LEKR1: variants seen among roughly 807,000 people sequenced by gnomAD.
The protein encoded by LEKR1 is leucine, glutamate and lysine rich 1.
Under a neutral mutation model 72.4 loss-of-function variants are expected in LEKR1, and 59 were observed. The ratio of observed to expected loss-of-function variants is 0.82; its 90% CI spans 0.66 to 1.01. The LOEUF is 1.01. Among genes scored for constraint, LEKR1 ranks in the 50% least tolerant of loss-of-function variants. LEKR1 has a pLI of 0.00. For synonymous variants in LEKR1, 257 were observed against 263.2 expected (o/e 0.98, Z 0.23); for missense variants, 728 against 759.2 (o/e 0.96, Z 0.48).
intron 6 of LEKR1, among the ~76,000 whole-genome samples, chr3:156,959,445 A>T (rs946943614): frequency 3.3e-5 from 5 of 152,136 alleles, no homozygotes; most frequent in African/African-American, 1.2e-4. Flanking sequence ...GCAGTTGTAG[A>T]ACTAACTTTA....
chr3:157,007,034 C>T (rs2108019627), intron 9 of LEKR1, among the ~76,000 whole-genome samples: 1 of 150,966 alleles, frequency 6.6e-6, no homozygotes, highest in South Asian at 2.1e-4. Flanking sequence ...CCCGTCTCTA[C>T]TAAAAAAATA....
At chr3:156,938,385 C>T (rs111301750) in intron 5 of LEKR1, among the ~76,000 whole-genome samples, 4,835 of 152,010 alleles carry the variant, frequency 0.032, 117 homozygotes, top group Non-Finnish European at 0.047. Flanking sequence ...TGTTTGTTTG[C>T]TTTTTGTTTT....
At chr3:156,888,193 AG>A (rs1179333241) in intron 3 of LEKR1, 2 of 654,712 alleles carry the variant, frequency 3.1e-6, no homozygotes, top group Non-Finnish European at 2.8e-6. Flanking sequence ...GGATTGGGTT[AG>A]GGAACAGACA....
At chr3:156,885,054 T>C (rs1487238557) in intron 3 of LEKR1, among the ~76,000 whole-genome samples, 1 of 152,198 alleles carries the variant, frequency 6.6e-6, no homozygotes, top group Non-Finnish European at 1.5e-5. Context: ...TTCTTTCTTC[T>C]ACTTGTTCTA....
chr3:156,882,487 A>G (rs1719506740), intron 3 of LEKR1, among the ~76,000 whole-genome samples: 1 of 152,192 alleles, frequency 6.6e-6, no homozygotes, highest in African/African-American at 2.4e-5. Context: ...GCAATCATTA[A>G]AAAGTCAGGA....
intron 10 of LEKR1, among the ~76,000 whole-genome samples, chr3:157,015,630 C>A (rs1435549862): frequency 6.6e-6 from 1 of 152,164 alleles, no homozygotes; most frequent in African/African-American, 2.4e-5. Flanking sequence ...ACAAAAATAT[C>A]TAGCACCGAA....
At chr3:157,025,699 G>T (rs1370321029) in intron 11 of LEKR1, among the ~76,000 whole-genome samples, 1 of 152,130 alleles carries the variant, frequency 6.6e-6, no homozygotes, top group Non-Finnish European at 1.5e-5. Context: ...TTCATGCTTT[G>T]GATTTATTGC....
chr3:156,923,937 C>G (rs1002275681), intron 4 of LEKR1, among the ~76,000 whole-genome samples: 4 of 152,144 alleles, frequency 2.6e-5, no homozygotes, highest in Non-Finnish European at 2.9e-5. Flanking sequence ...CCGTGTTAGC[C>G]AGGATGGTCT....
intron 3 of LEKR1, among the ~76,000 whole-genome samples, chr3:156,869,939 C>T (rs1223007676): frequency 2.0e-5 from 3 of 152,028 alleles, no homozygotes; most frequent in African/African-American, 4.8e-5. Context: ...CCAATTTTCC[C>T]GGTACCATTT....
At chr3:156,890,000 A>G (rs1019688638) in intron 3 of LEKR1, among the ~76,000 whole-genome samples, 2 of 152,186 alleles carry the variant, frequency 1.3e-5, no homozygotes, top group Admixed American at 6.5e-5. Context: ...GCTTGCTTGC[A>G]TCTCTGCCTC....
chr3:156,887,946 C>A (rs1400719490), intron 3 of LEKR1, among the ~76,000 whole-genome samples: 4 of 152,128 alleles, frequency 2.6e-5, no homozygotes, highest in Non-Finnish European at 4.4e-5. Context: ...ACTATTTTGA[C>A]AAACTCAAGA....
At chr3:156,896,565 GA>G (rs1214645436) in intron 3 of LEKR1, among the ~76,000 whole-genome samples, 1 of 152,174 alleles carries the variant, frequency 6.6e-6, no homozygotes, top group Non-Finnish European at 1.5e-5. Flanking sequence ...AGAGGCTGAT[GA>G]GGTTGCAAAG....
rs915206626 is a variant in LEKR1 at position 156,939,089 on chromosome 3, G to A, written c.560-3440G>A. ...AAATATTCTAAAATATAGTGTGATG[G>A]GCTGAATTGTGTCCCCCTCCCCAAA... On this transcript the variant is annotated intron_variant, in intron 5 of 12. Coordinates refer to ENST00000356539, the MANE Select transcript of LEKR1 (RefSeq NM_001004316.3). 6.6e-5 allele frequency among the ~76,000 whole-genome samples: 10 copies of A among 152,216 alleles called. No homozygotes were observed. The South Asian group carries it at 1.9e-3, about 28-fold the overall frequency.
At position 156,942,645 on chromosome 3, in the gene LEKR1, A is replaced by G. The variant is rs957340843; in HGVS notation, c.676A>G (p.Ile226Val). The G allele has an allele frequency of 2.4e-6, 3 of 1,271,256 alleles. No individual in the cohort carries two copies. The highest frequency in any genetic ancestry group is 3.1e-6 in the Non-Finnish European group (3 of 982,468). The allele number at this position is 1,271,256 out of a possible 1,614,324, so 78.7% of individuals were successfully genotyped here. The part of the protein sequence containing the change: ...SDAAILRSQQ[I>V]RTSRQQEVNL... Reference sequence around the variant, plus strand: ...TGCAGCCATATTGAGATCTCAGCAGATTCGGACATCTAGACAACAGGAAGT... The same window carrying G: ...TGCAGCCATATTGAGATCTCAGCAGGTTCGGACATCTAGACAACAGGAAGT... The change falls in exon 6 of 13, where the codon ATT becomes GTT. Residue 226 changes from isoleucine to valine, a missense_variant. Transcript: ENST00000356539.
chr3:156,999,978 C>G (rs886899092), intron 9 of LEKR1, among the ~76,000 whole-genome samples: 1 of 152,190 alleles, frequency 6.6e-6, no homozygotes, highest in Non-Finnish European at 1.5e-5. Context: ...GCACAATTCC[C>G]TAAGTATTTG....
At chr3:157,013,243 T>C (rs536717713) in intron 10 of LEKR1, among the ~76,000 whole-genome samples, 11 of 152,252 alleles carry the variant, frequency 7.2e-5, no homozygotes, top group African/African-American at 2.6e-4. Context: ...GAGTAAACTT[T>C]CCTGCTTTTG....
chr3:156,983,823 A>C (rs1170108359), intron 7 of LEKR1, among the ~76,000 whole-genome samples: 1 of 152,094 alleles, frequency 6.6e-6, no homozygotes. Context: ...TCTAAAAACA[A>C]TCAGGGCAAA....
At chr3:157,007,184 G>A (rs965399835) in intron 9 of LEKR1, among the ~76,000 whole-genome samples, 25 of 152,230 alleles carry the variant, frequency 1.6e-4, no homozygotes, top group African/African-American at 6.0e-4. Flanking sequence ...CTGGGCCACA[G>A]AGCGAGACTC....
intron 2 of LEKR1, among the ~76,000 whole-genome samples, chr3:156,849,036 C>G (rs1003690284): frequency 2.6e-5 from 4 of 151,952 alleles, no homozygotes; most frequent in Admixed American, 6.6e-5. Flanking sequence ...ATCTCCTTAA[C>G]CTGATAAGCA....
Sources: gnomAD v4.1 joint callset for allele counts (sites outside exome capture counted in the v4.1 genomes callset) on GRCh38, gnomAD v4.1.1 for gene constraint, MANE v1.5 for transcripts, NCBI Gene and HGNC (gene_info 2026-07-23, HGNC 2026-07-21) for gene names.